PDE1A: variants seen among roughly 807,000 people sequenced by gnomAD.
PDE1A encodes the protein dual specificity calcium/calmodulin-dependent 3',5'-cyclic nucleotide phosphodiesterase 1A.
A neutral mutation model predicts 61.7 loss-of-function variants in PDE1A; 35 were observed. The ratio of observed to expected loss-of-function variants is 0.57; its 90% CI spans 0.43 to 0.75. The LOEUF is 0.75. PDE1A is among the 30% of genes least tolerant of loss of function. The pLI is 0.00. For synonymous variants in PDE1A, 232 were observed against 213.2 expected, an observed-to-expected ratio of 1.09 and a Z score of -0.77; for missense variants, 597 against 630.6, an observed-to-expected ratio of 0.95 and a Z score of 0.57.
intron 2 of PDE1A, among the ~76,000 whole-genome samples, chr2:182,256,945 C>T (rs1691865030): frequency 1.3e-5 from 2 of 152,166 alleles, no homozygotes. Flanking sequence ...CACATTAATT[C>T]CTCATAGTAT....
the PDE1A span, among the ~76,000 whole-genome samples, chr2:182,530,155 T>C: frequency 6.6e-6 from 1 of 152,158 alleles, no homozygotes; most frequent in Admixed American, 6.5e-5. Context: ...ATGAGGACCA[T>C]CTAAATTAGC....
the PDE1A span, among the ~76,000 whole-genome samples, chr2:182,565,967 AG>A: frequency 6.6e-6 from 1 of 152,190 alleles, no homozygotes; most frequent in Non-Finnish European, 1.5e-5. Context: ...AGAGACAGGG[AG>A]TGACTTGGAT....
chr2:182,358,104 T>C (rs1429690046), intron 1 of PDE1A, among the ~76,000 whole-genome samples: 1 of 152,184 alleles, frequency 6.6e-6, no homozygotes, highest in Admixed American at 6.5e-5. Context: ...GTGGACATGA[T>C]TGCACCCTTC....
At chr2:182,186,112 C>G in intron 12 of PDE1A, 33 bp from the exon 13 acceptor site, 1 of 1,606,348 alleles carries the variant, frequency 6.2e-7, no homozygotes, top group African/African-American at 1.3e-5. Context: ...CCAAAAAACA[C>G]CATCAGGATA....
chr2:182,472,341 A>T (rs1038632333), intron 2 of PDE1A, among the ~76,000 whole-genome samples: 19 of 152,060 alleles, frequency 1.2e-4, no homozygotes, highest in African/African-American at 4.6e-4. Flanking sequence ...GATAAAGAAA[A>T]TGTGGTATAT....
At chr2:182,146,487 A>G (rs968112504), downstream of PDE1A, among the ~76,000 whole-genome samples, 2 of 151,836 alleles carry the variant, frequency 1.3e-5, no homozygotes, top group South Asian at 4.1e-4. Context: ...TATTATTGTT[A>G]TTATTATTAT....
chr2:182,155,386 G>T (rs866717309), intron 13 of PDE1A, among the ~76,000 whole-genome samples: 2 of 152,152 alleles, frequency 1.3e-5, no homozygotes, highest in Non-Finnish European at 2.9e-5. Context: ...ACCATGTCCA[G>T]CTGGGAAATT....
chr2:182,609,387 C>A, the PDE1A span, among the ~76,000 whole-genome samples: 1 of 152,226 alleles, frequency 6.6e-6, no homozygotes, highest in Non-Finnish European at 1.5e-5. Flanking sequence ...CTCTAGAGTC[C>A]TTTTCTGCAT....
At chr2:182,281,545 G>T (rs184967085) in intron 1 of PDE1A, among the ~76,000 whole-genome samples, 1 of 151,942 alleles carries the variant, frequency 6.6e-6, no homozygotes, top group Non-Finnish European at 1.5e-5. Flanking sequence ...AGAGCCAGCT[G>T]CTGAAAAGAT....
chr2:182,577,144 G>A, the PDE1A span, among the ~76,000 whole-genome samples: 1 of 152,046 alleles, frequency 6.6e-6, no homozygotes, highest in Non-Finnish European at 1.5e-5. Flanking sequence ...TACTTTGAGA[G>A]ATGTATATTT....
upstream of PDE1A, among the ~76,000 whole-genome samples, chr2:182,527,736 C>T (rs1690799070): frequency 1.3e-5 from 2 of 151,894 alleles, no homozygotes; most frequent in Admixed American, 1.3e-4. Context: ...ATTGTAGCTC[C>T]CATAATTCCC....
At chr2:182,659,598 C>A in the PDE1A span, among the ~76,000 whole-genome samples, 1 of 152,150 alleles carries the variant, frequency 6.6e-6, no homozygotes. Flanking sequence ...TAAACTCTTT[C>A]TACTCATATG....
At chr2:182,579,792 G>T in the PDE1A span, among the ~76,000 whole-genome samples, 1 of 152,066 alleles carries the variant, frequency 6.6e-6, no homozygotes, top group Non-Finnish European at 1.5e-5. Context: ...TAATAAAGTG[G>T]TATACACTTG....
chr2:182,585,297 C>T, the PDE1A span, among the ~76,000 whole-genome samples: 1 of 152,112 alleles, frequency 6.6e-6, no homozygotes, highest in Non-Finnish European at 1.5e-5. Flanking sequence ...AAACTAATGG[C>T]GTGTTATTTT....
At chr2:182,586,194 A>G in the PDE1A span, among the ~76,000 whole-genome samples, 1 of 152,166 alleles carries the variant, frequency 6.6e-6, no homozygotes, top group African/African-American at 2.4e-5. Flanking sequence ...TATTTTTTTA[A>G]ACTTCAAAAT....
chr2:182,221,121 A>T (rs987057188), intron 7 of PDE1A, among the ~76,000 whole-genome samples: 1 of 150,028 alleles, frequency 6.7e-6, no homozygotes, highest in African/African-American at 2.5e-5. Context: ...CCTTTCCTCC[A>T]CCACCTCCTC....
the PDE1A span, among the ~76,000 whole-genome samples, chr2:182,615,793 CAGA>C: frequency 2.0e-5 from 3 of 152,072 alleles, no homozygotes; most frequent in Admixed American, 6.6e-5. Flanking sequence ...GAAGAAAGAA[CAGA>C]AGGAGAGGGA....
At chr2:182,640,560 T>C in the PDE1A span, among the ~76,000 whole-genome samples, 1 of 152,202 alleles carries the variant, frequency 6.6e-6, no homozygotes, top group Non-Finnish European at 1.5e-5. Flanking sequence ...AAAATGATTT[T>C]ATTTTCTAAT....
intron 2 of PDE1A, among the ~76,000 whole-genome samples, chr2:182,462,169 C>G (rs554876333): frequency 1.8e-3 from 274 of 148,368 alleles, no homozygotes; most frequent in South Asian, 7.1e-3. Context: ...GTGGGGGGAG[C>G]GGGGAGGGAA....
Sources: gnomAD v4.1 joint callset for allele counts (sites outside exome capture counted in the v4.1 genomes callset) on GRCh38, gnomAD v4.1.1 for gene constraint, MANE v1.5 for transcripts, NCBI Gene and HGNC (gene_info 2026-07-23, HGNC 2026-07-21) for gene names.